The following POT1 variants were observed in gnomAD, a reference collection of about 807,000 sequenced individuals.
The protein encoded by POT1 is protection of telomeres protein 1.
Under a neutral mutation model 78.5 loss-of-function variants are expected in POT1, and 47 were observed. The ratio of observed to expected loss-of-function variants is 0.60; its 90% CI spans 0.47 to 0.76. The LOEUF (loss-of-function observed/expected upper bound fraction) is 0.76, where lower values mean the gene tolerates loss of function less well. Among genes scored for constraint, POT1 ranks in the 30% least tolerant of loss-of-function variants. The pLI is 0.00. For missense variants in POT1, 646 were observed against 749.9 expected, an observed-to-expected ratio of 0.86 and a Z score of 1.62; for synonymous variants, 259 against 260.7, an observed-to-expected ratio of 0.99 and a Z score of 0.06.
intron 2 of POT1, among the ~76,000 whole-genome samples, chr7:124,924,090 G>A (rs1369267710): frequency 7.1e-6 from 1 of 141,344 alleles, no homozygotes; most frequent in Non-Finnish European, 1.5e-5. Context: ...AAGAACAAAC[G>A]AAAGTCAGAG....
At chr7:124,831,594 A>G (rs1472606973) in intron 15 of POT1, among the ~76,000 whole-genome samples, 1 of 152,200 alleles carries the variant, frequency 6.6e-6, no homozygotes, top group Non-Finnish European at 1.5e-5. Flanking sequence ...AGACAAGAAA[A>G]CATATAACGT....
intron 15 of POT1, among the ~76,000 whole-genome samples, chr7:124,833,793 T>C (rs1238217947): frequency 6.6e-6 from 1 of 152,198 alleles, no homozygotes; most frequent in Non-Finnish European, 1.5e-5. Context: ...TCTCACTATA[T>C]ATGCTTATCA....
intron 2 of POT1, among the ~76,000 whole-genome samples, chr7:124,916,515 G>A (rs1166193859): frequency 6.6e-6 from 1 of 152,026 alleles, no homozygotes; most frequent in East Asian, 1.9e-4. Flanking sequence ...AGGAAAGCAA[G>A]TAATTCTCAT....
chr7:124,843,043 A>G, intron 12 of POT1, 80 bp from the exon 13 acceptor site: 1 of 953,234 alleles, frequency 1.0e-6, no homozygotes, highest in South Asian at 2.2e-5. Flanking sequence ...AATATATACT[A>G]TAAAATCTAA....
intron 6 of POT1, among the ~76,000 whole-genome samples, chr7:124,890,338 TTTC>T (rs1462407524): frequency 6.6e-6 from 1 of 151,930 alleles, no homozygotes; most frequent in Non-Finnish European, 1.5e-5. Flanking sequence ...GGAAAGATAG[TTTC>T]TTAAGAAGTA....
At chr7:124,923,401 C>A (rs1411636229) in intron 2 of POT1, among the ~76,000 whole-genome samples, 2 of 151,484 alleles carry the variant, frequency 1.3e-5, no homozygotes, top group East Asian at 3.9e-4. Flanking sequence ...GATTCAATAA[C>A]AGATTAGATC....
intron 6 of POT1, among the ~76,000 whole-genome samples, chr7:124,880,179 G>A (rs1186520592): frequency 6.6e-6 from 1 of 151,980 alleles, no homozygotes; most frequent in African/African-American, 2.4e-5. Flanking sequence ...AACACACAAT[G>A]TACTTTGCAT....
intron 5 of POT1, among the ~76,000 whole-genome samples, chr7:124,896,862 A>C (rs1465318601): frequency 6.6e-6 from 1 of 151,742 alleles, no homozygotes; most frequent in Non-Finnish European, 1.5e-5. Context: ...TTTATAACAA[A>C]AATTTAAGGA....
chr7:124,918,246 G>A (rs542389857), intron 2 of POT1, among the ~76,000 whole-genome samples: 1 of 152,234 alleles, frequency 6.6e-6, no homozygotes, highest in East Asian at 1.9e-4. Context: ...AAATTACCGG[G>A]ACTAAACTAG....
chr7:124,897,566 C>T (rs758392164), intron 4 of POT1, among the ~76,000 whole-genome samples: 4 of 151,830 alleles, frequency 2.6e-5, no homozygotes, highest in Non-Finnish European at 5.9e-5. Flanking sequence ...AAAATCAGAG[C>T]TGATATTCAA....
intron 11 of POT1, 84 bp downstream of exon 11, chr7:124,851,788 A>G: frequency 1.0e-6 from 1 of 971,938 alleles, no homozygotes; most frequent in South Asian, 1.4e-5. Flanking sequence ...AGAGAGACAA[A>G]GAGAAGACAT....
At chr7:124,851,507 CTA>C (rs199738426) in intron 11 of POT1, among the ~76,000 whole-genome samples, 1,614 of 152,286 alleles carry the variant, frequency 0.011, 27 homozygotes, top group African/African-American at 0.037. Context: ...TCTAACATAA[CTA>C]TGAGCAAAAA....
At chr7:124,857,339 G>A (rs1205454922) in intron 9 of POT1, among the ~76,000 whole-genome samples, 1 of 152,202 alleles carries the variant, frequency 6.6e-6, no homozygotes, top group East Asian at 1.9e-4. Flanking sequence ...AGGGACAGGA[G>A]GCAGGGAAAT....
chr7:124,866,053 C>T (rs1338608512), intron 7 of POT1, among the ~76,000 whole-genome samples: 1 of 152,040 alleles, frequency 6.6e-6, no homozygotes, highest in Non-Finnish European at 1.5e-5. Context: ...TTCTGACAAA[C>T]ACTGATTTTT....
chr7:124,835,138 A>G (rs988685500), intron 15 of POT1, 141 bp downstream of exon 15: 1 of 964,300 alleles, frequency 1.0e-6, no homozygotes, highest in African/African-American at 1.7e-5. Context: ...GAAATGCCTA[A>G]TGCAGGTGAC....
At chr7:124,837,436 ATAT>A (rs1794925491) in intron 14 of POT1, among the ~76,000 whole-genome samples, 5 of 151,694 alleles carry the variant, frequency 3.3e-5, no homozygotes. Flanking sequence ...TAATAAATAA[ATAT>A]TATAAACAAT....
intron 17 of POT1, among the ~76,000 whole-genome samples, chr7:124,825,942 C>T (rs773528288): frequency 1.5e-4 from 23 of 152,142 alleles, no homozygotes; most frequent in Non-Finnish European, 2.8e-4. Context: ...TAACTTTACC[C>T]TAAGAGAGGT....
At chr7:124,866,404 C>T (rs770622364) in intron 7 of POT1, among the ~76,000 whole-genome samples, 1 of 152,086 alleles carries the variant, frequency 6.6e-6, no homozygotes, top group Non-Finnish European at 1.5e-5. Context: ...CTTCCAGCAC[C>T]CCATTACTAG....
intron 6 of POT1, among the ~76,000 whole-genome samples, chr7:124,890,454 G>A (rs1448319439): frequency 6.6e-6 from 1 of 151,912 alleles, no homozygotes; most frequent in Non-Finnish European, 1.5e-5. Context: ...GGTTGACAAG[G>A]ACTAAAATTT....
Sources: allele counts gnomAD v4.1 joint callset (sites outside exome capture counted in the v4.1 genomes callset), GRCh38; gene constraint gnomAD v4.1.1; transcripts MANE v1.5; gene names NCBI Gene and HGNC (gene_info 2026-07-23, HGNC 2026-07-21).